The following DIP2C variants were observed in gnomAD, a reference collection of about 807,000 sequenced individuals.
DIP2C encodes the protein DIP2 acetate--CoA ligase C (putative), also known as disco-interacting protein 2 homolog C.
A neutral mutation model predicts 192.4 loss-of-function variants in DIP2C; 33 were observed. The observed-to-expected ratio is 0.17, with a 90% CI of 0.13 to 0.23. DIP2C has a LOEUF of 0.23. Ranked by LOEUF, DIP2C falls within the 10% of genes least tolerant of loss-of-function variation. The probability of loss-of-function intolerance (pLI) is 1.00; values close to 1 mark genes in which losing one functional copy is unlikely to be tolerated. For synonymous variants in DIP2C, 979 were observed against 864.1 expected (o/e 1.13, Z -2.33); for missense variants, 1,537 against 2,110.1 (o/e 0.73, Z 5.32).
At chr10:662,205 G>A (rs1856802973) in intron 1 of DIP2C, 1 of 687,946 alleles carries the variant, frequency 1.5e-6, no homozygotes, top group South Asian at 1.6e-5. Flanking sequence ...AAGAGTACAG[G>A]CCTCACACCT....
At chr10:364,713 GC>G (rs904347595) in intron 19 of DIP2C, 131 bp from the exon 20 acceptor site, 2 of 1,035,600 alleles carry the variant, frequency 1.9e-6, no homozygotes, top group Non-Finnish European at 2.8e-6. Flanking sequence ...CTGCCCTAGG[GC>G]CGAGGTCACA....
At chr10:435,910 C>T (rs931983463) in intron 4 of DIP2C, among the ~76,000 whole-genome samples, 5 of 152,160 alleles carry the variant, frequency 3.3e-5, no homozygotes, top group Non-Finnish European at 7.3e-5. Context: ...CACCTTCCAA[C>T]AGAATTATGA....
At chr10:356,320 A>G (rs1051880207) in intron 24 of DIP2C, 106 bp downstream of exon 24, 13 of 1,293,894 alleles carry the variant, frequency 1.0e-5, no homozygotes, top group Admixed American at 1.7e-5. Flanking sequence ...AAGAATTCCC[A>G]TAAGACTGAA....
intron 1 of DIP2C, among the ~76,000 whole-genome samples, chr10:570,284 C>A (rs911951073): frequency 6.6e-6 from 1 of 152,116 alleles, no homozygotes; most frequent in African/African-American, 2.4e-5. Context: ...TGGATTTTGT[C>A]GTGCCCATTT....
chr10:548,774 A>G (rs1011894328), intron 1 of DIP2C, among the ~76,000 whole-genome samples: 1 of 151,998 alleles, frequency 6.6e-6, no homozygotes, highest in African/African-American at 2.4e-5. Flanking sequence ...TATGGATGAC[A>G]TTTTAATTAA....
intron 6 of DIP2C, among the ~76,000 whole-genome samples, chr10:416,526 C>T (rs1364159339): frequency 6.6e-6 from 1 of 152,146 alleles, no homozygotes; most frequent in African/African-American, 2.4e-5. Flanking sequence ...CATCCTAAAG[C>T]ACAGAAGTTA....
At chr10:367,298 T>A (rs1300327618) in intron 18 of DIP2C, among the ~76,000 whole-genome samples, 3 of 151,616 alleles carry the variant, frequency 2.0e-5, no homozygotes, top group Admixed American at 6.6e-5. Context: ...GCGCCTGTAG[T>A]CCCAGCTCCT....
chr10:441,052 C>G, intron 3 of DIP2C, 56 bp from the exon 4 acceptor site: 1 of 1,564,016 alleles, frequency 6.4e-7, no homozygotes. Flanking sequence ...AGAGGCCAAG[C>G]TGCACCCTCC....
chr10:459,050 A>G (rs995937173), intron 3 of DIP2C, among the ~76,000 whole-genome samples: 3 of 152,022 alleles, frequency 2.0e-5, no homozygotes, highest in African/African-American at 2.4e-5. Context: ...TCTTTGACCC[A>G]AAGAGCACTT....
chr10:417,908 C>A (rs71494905), intron 6 of DIP2C, among the ~76,000 whole-genome samples: 8 of 106,822 alleles, frequency 7.5e-5, no homozygotes, highest in South Asian at 3.2e-4. Context: ...TCGGATAGGC[C>A]TCCCTGTCCA....
chr10:541,741 A>G (rs182141204), intron 1 of DIP2C, among the ~76,000 whole-genome samples: 25 of 68,350 alleles, frequency 3.7e-4, no homozygotes, highest in Non-Finnish European at 7.1e-4. Context: ...GACCCTCCAC[A>G]CTGACCACAC....
At chr10:578,944 C>A (rs549851566) in intron 1 of DIP2C, among the ~76,000 whole-genome samples, 1 of 152,004 alleles carries the variant, frequency 6.6e-6, no homozygotes, top group Non-Finnish European at 1.5e-5. Context: ...AACATGTGTA[C>A]GTGCATAGAG....
chr10:642,462 C>G (rs1359304200), intron 1 of DIP2C, among the ~76,000 whole-genome samples: 1 of 152,254 alleles, frequency 6.6e-6, no homozygotes, highest in African/African-American at 2.4e-5. Context: ...GAGCAAGTGT[C>G]CAGGCACCAG....
intron 1 of DIP2C, among the ~76,000 whole-genome samples, chr10:569,153 T>G (rs1588479877): frequency 1.3e-5 from 2 of 152,252 alleles, no homozygotes; most frequent in South Asian, 4.2e-4. Flanking sequence ...CACTTCAAAG[T>G]TTTAACAAAA....
intron 1 of DIP2C, among the ~76,000 whole-genome samples, chr10:644,630 C>T (rs1173729389): frequency 1.3e-5 from 2 of 151,538 alleles, no homozygotes; most frequent in African/African-American, 2.4e-5. Context: ...CAAAAGTACA[C>T]ACAGAGGCAG....
rs747326178 is a variant in DIP2C, at chr10:366,362, C to A, written c.2181G>T (p.Thr727=). The A allele has an allele frequency of 6.2e-7, 1 of 1,614,216 alleles. No individual in the cohort carries two copies. The highest frequency in any genetic ancestry group is 1.3e-5 in the African/African-American group (1 of 75,064). ...ACACACACAGCTCCCCGATCTCATCCGTTCTGCACAGCTGAGGAACCCCGT... is the reference window on the plus strand; with the variant it reads ...ACACACACAGCTCCCCGATCTCATCAGTTCTGCACAGCTGAGGAACCCCGT... ...KPDGVPQLCR[T]DEIGELCVCA... Residue 727 remains threonine (T), a synonymous_variant, in exon 19 of 37, where the codon ACG becomes ACT. Transcript: ENST00000280886.
intron 1 of DIP2C, among the ~76,000 whole-genome samples, chr10:560,722 AG>A (rs1204851337): frequency 6.6e-6 from 1 of 152,188 alleles, no homozygotes; most frequent in Non-Finnish European, 1.5e-5. Flanking sequence ...TTAAAATTCT[AG>A]GCCCCCCTGG....
chr10:481,741 C>T (rs553109850), intron 2 of DIP2C, among the ~76,000 whole-genome samples: 5 of 152,326 alleles, frequency 3.3e-5, no homozygotes, highest in South Asian at 2.1e-4. Context: ...CATGCGGACA[C>T]GGTGGCGTCT....
Position 634,235 on chromosome 10 carries a change from G to T in DIP2C, c.85+55259C>A, listed in dbSNP as rs142901705. On this transcript the variant is annotated intron_variant, in intron 1 of 36. Coordinates refer to ENST00000280886, the MANE Select transcript of DIP2C (RefSeq NM_014974.3). ...CCCCTAGATACTGAGGCTCCACACAGATGGCACACAGACAGGCCTCACCCC... is the reference window on the plus strand; with the variant it reads ...CCCCTAGATACTGAGGCTCCACACATATGGCACACAGACAGGCCTCACCCC... Among the ~76,000 whole-genome samples the T allele has an allele frequency of 6.6e-5, 10 of 152,350 alleles. No individual in the cohort carries two copies. The East Asian group carries it at 1.5e-3, about 23-fold the overall frequency.
Sources: allele counts gnomAD v4.1 joint callset (sites outside exome capture counted in the v4.1 genomes callset), GRCh38; gene constraint gnomAD v4.1.1; transcripts MANE v1.5; gene names NCBI Gene and HGNC (gene_info 2026-07-23, HGNC 2026-07-21).